Variants in GPC6 observed in about 807,000 individuals in gnomAD.
The protein encoded by GPC6 is glypican 6.
In GPC6, 14 loss-of-function variants were observed where a neutral mutation model predicts 55.2. The observed-to-expected ratio is 0.25, with a 90% CI of 0.17 to 0.40. The LOEUF is 0.40. GPC6 is among the 10% of genes least tolerant of loss of function. The pLI, the probability that GPC6 is intolerant of heterozygous loss-of-function variation, is 1.00. For synonymous variants in GPC6, 278 were observed against 259.6 expected (o/e 1.07, Z -0.68); for missense variants, 641 against 708.5 (o/e 0.90, Z 1.08).
intron 1 of GPC6, among the ~76,000 whole-genome samples, chr13:93,492,593 T>C (rs1170448212): frequency 6.7e-6 from 1 of 148,176 alleles, no homozygotes; most frequent in African/African-American, 2.5e-5. Context: ...CATCCCTGTC[T>C]TGTGCCAGTT....
At chr13:93,982,493 A>G (rs552513365) in intron 3 of GPC6, among the ~76,000 whole-genome samples, 2 of 152,214 alleles carry the variant, frequency 1.3e-5, no homozygotes, top group African/African-American at 2.4e-5. Flanking sequence ...GGGCAGTTTT[A>G]AAGATACCGA....
chr13:94,325,786 T>A (rs1877084551), intron 6 of GPC6, among the ~76,000 whole-genome samples: 1 of 152,216 alleles, frequency 6.6e-6, no homozygotes, highest in Non-Finnish European at 1.5e-5. Context: ...AAGAGCTCTT[T>A]GGTTTACCAT....
chr13:93,931,458 G>A (rs565261586), intron 3 of GPC6, among the ~76,000 whole-genome samples: 5 of 144,160 alleles, frequency 3.5e-5, no homozygotes, highest in Admixed American at 2.8e-4. Context: ...AAAAAAAATT[G>A]TAAAAGATCA....
intron 1 of GPC6, among the ~76,000 whole-genome samples, chr13:93,490,941 C>T: frequency 1.5e-5 from 1 of 65,122 alleles, no homozygotes; most frequent in African/African-American, 5.8e-5. Flanking sequence ...TGGGTTGGTT[C>T]CAAGTCTTTG....
chr13:94,372,272 G>A (rs1050834260), intron 6 of GPC6, among the ~76,000 whole-genome samples: 3 of 152,140 alleles, frequency 2.0e-5, no homozygotes, highest in African/African-American at 7.2e-5. Context: ...CGCAGAAGAC[G>A]GGTGATTTCT....
intron 4 of GPC6, among the ~76,000 whole-genome samples, chr13:94,256,596 A>C (rs941208197): frequency 6.6e-6 from 1 of 152,236 alleles, no homozygotes; most frequent in South Asian, 2.1e-4. Context: ...CAGGCACTAC[A>C]TTCTCCAGGA....
At chr13:93,817,494 A>T (rs1277643720) in intron 2 of GPC6, among the ~76,000 whole-genome samples, 1 of 152,158 alleles carries the variant, frequency 6.6e-6, no homozygotes, top group Non-Finnish European at 1.5e-5. Context: ...AGCATCTTTC[A>T]TGTCACTATT....
At chr13:93,542,095 G>A (rs1882332897) in intron 1 of GPC6, among the ~76,000 whole-genome samples, 1 of 152,224 alleles carries the variant, frequency 6.6e-6, no homozygotes, top group South Asian at 2.1e-4. Flanking sequence ...TGAAGTCCTT[G>A]CCCATGCCTA....
chr13:94,198,621 A>G lies in GPC6; in HGVS notation c.878-87728A>G, dbSNP rs12427844. 3.8e-3 allele frequency among the ~76,000 whole-genome samples: 574 copies of G among 152,326 alleles called. 12 individuals carry two copies. The highest frequency in any genetic ancestry group is 0.026 in the Admixed American group (402 of 15,300). On this transcript the variant is annotated intron_variant, in intron 4 of 8. Transcript: ENST00000377047. ...AGGCTGTGTCCGTTCTGCCACATGAAATAAACTTGGTGACCCCATCCAGCC... is the reference window on the plus strand; with the variant it reads ...AGGCTGTGTCCGTTCTGCCACATGAGATAAACTTGGTGACCCCATCCAGCC...
At chr13:93,871,997 A>G (rs1047261861) in intron 3 of GPC6, among the ~76,000 whole-genome samples, 1 of 151,988 alleles carries the variant, frequency 6.6e-6, no homozygotes, top group Non-Finnish European at 1.5e-5. Flanking sequence ...TAAATAAAAC[A>G]AGTTTTCAGA....
chr13:93,630,875 C>G (rs1425149493), intron 2 of GPC6, among the ~76,000 whole-genome samples: 2 of 152,082 alleles, frequency 1.3e-5, no homozygotes, highest in East Asian at 3.9e-4. Flanking sequence ...AACAACCCCC[C>G]CATATCTCAG....
chr13:93,891,339 T>C (rs1349075347), intron 3 of GPC6, among the ~76,000 whole-genome samples: 1 of 152,148 alleles, frequency 6.6e-6, no homozygotes, highest in Non-Finnish European at 1.5e-5. Context: ...TGAGGTTGCT[T>C]TGTTTGGCTT....
intron 3 of GPC6, among the ~76,000 whole-genome samples, chr13:93,940,669 A>G (rs1878691296): frequency 1.3e-5 from 2 of 152,204 alleles, no homozygotes; most frequent in African/African-American, 4.8e-5. Flanking sequence ...GATTTGAACA[A>G]GTGAACTGTA....
At chr13:93,987,360 A>G (rs1330079429) in intron 3 of GPC6, among the ~76,000 whole-genome samples, 1 of 152,212 alleles carries the variant, frequency 6.6e-6, no homozygotes, top group African/African-American at 2.4e-5. Flanking sequence ...TAAATTTTAC[A>G]GTAAGCCTCT....
chr13:94,349,881 G>C (rs1307859138), intron 6 of GPC6, among the ~76,000 whole-genome samples: 1 of 152,080 alleles, frequency 6.6e-6, no homozygotes, highest in African/African-American at 2.4e-5. Context: ...TAGGTGTTAA[G>C]ACTATGTTTA....
intron 2 of GPC6, among the ~76,000 whole-genome samples, chr13:93,567,027 G>A (rs7350685): frequency 3.3e-5 from 5 of 152,168 alleles, no homozygotes; most frequent in South Asian, 2.1e-4. Flanking sequence ...ATAACCATAC[G>A]TGTGCATGTG....
intron 4 of GPC6, among the ~76,000 whole-genome samples, chr13:94,212,878 C>A (rs1890119648): frequency 6.6e-6 from 1 of 152,206 alleles, no homozygotes; most frequent in South Asian, 2.1e-4. Flanking sequence ...ACTACTAGGG[C>A]CGGGCACGGT....
intron 3 of GPC6, among the ~76,000 whole-genome samples, chr13:94,020,241 T>C (rs1566296567): frequency 6.6e-6 from 1 of 152,226 alleles, no homozygotes; most frequent in African/African-American, 2.4e-5. Context: ...CTTAACCCAT[T>C]GTTTGTATGA....
At chr13:94,045,050 G>A (rs904992575) in intron 4 of GPC6, among the ~76,000 whole-genome samples, 3 of 151,664 alleles carry the variant, frequency 2.0e-5, no homozygotes, top group Non-Finnish European at 4.4e-5. Flanking sequence ...GTATAGGTAC[G>A]TTTATTTTTA....
Sources: gnomAD v4.1 joint callset for allele counts (sites outside exome capture counted in the v4.1 genomes callset) on GRCh38, gnomAD v4.1.1 for gene constraint, MANE v1.5 for transcripts, NCBI Gene and HGNC (gene_info 2026-07-23, HGNC 2026-07-21) for gene names.